Variants in GLRA3 observed in about 807,000 individuals in gnomAD.
GLRA3 encodes the protein glycine receptor subunit alpha-3.
A neutral mutation model predicts 60.4 loss-of-function variants in GLRA3; 44 were observed. The observed-to-expected ratio is 0.73, with a 90% CI of 0.57 to 0.94. The LOEUF is 0.94. Ranked by LOEUF, GLRA3 falls within the 40% of genes least tolerant of loss-of-function variation. The pLI, the probability that GLRA3 is intolerant of heterozygous loss-of-function variation, is 0.00. For synonymous variants in GLRA3, 223 were observed against 192.9 expected (o/e 1.16, Z -1.29); for missense variants, 508 against 564.6 (o/e 0.90, Z 1.02).
intron 2 of GLRA3, among the ~76,000 whole-genome samples, chr4:174,781,057 C>G (rs373468768): frequency 2.0e-5 from 3 of 152,044 alleles, no homozygotes; most frequent in Admixed American, 6.6e-5. Context: ...TGACCACATA[C>G]TTGGAAGTAA....
intron 1 of GLRA3, among the ~76,000 whole-genome samples, chr4:174,807,157 T>A (rs559331671): frequency 1.3e-5 from 2 of 152,058 alleles, no homozygotes; most frequent in African/African-American, 4.8e-5. Context: ...GAACAACTAC[T>A]TCAAACTTAC....
intron 3 of GLRA3, among the ~76,000 whole-genome samples, chr4:174,761,014 A>G (rs1311931530): frequency 6.6e-6 from 1 of 152,188 alleles, no homozygotes; most frequent in East Asian, 1.9e-4. Flanking sequence ...TTTCATACAT[A>G]CAGAATGAAC....
At chr4:174,804,352 C>T (rs1340200504) in intron 1 of GLRA3, among the ~76,000 whole-genome samples, 1 of 152,120 alleles carries the variant, frequency 6.6e-6, no homozygotes, top group Non-Finnish European at 1.5e-5. Flanking sequence ...CTGGAGAGCA[C>T]TACAAGTACC....
chr4:174,669,321 T>A (rs78804775), intron 7 of GLRA3, among the ~76,000 whole-genome samples: 1,782 of 151,996 alleles, frequency 0.012, 11 homozygotes, highest in South Asian at 0.027. Flanking sequence ...AAGACAGGTG[T>A]TGAAGTGGAA....
intron 6 of GLRA3, among the ~76,000 whole-genome samples, chr4:174,681,952 G>T (rs548430561): frequency 1.1e-4 from 16 of 152,306 alleles, no homozygotes; most frequent in African/African-American, 3.1e-4. Context: ...CCGATATTGT[G>T]AATTTGCTAA....
At chr4:174,732,350 A>G (rs1579521063) in intron 3 of GLRA3, among the ~76,000 whole-genome samples, 1 of 150,722 alleles carries the variant, frequency 6.6e-6, no homozygotes, top group African/African-American at 2.4e-5. Context: ...CGAGACTCCG[A>G]CTCAAAAATT....
intron 3 of GLRA3, among the ~76,000 whole-genome samples, chr4:174,746,338 C>T (rs1362036759): frequency 6.6e-6 from 1 of 152,066 alleles, no homozygotes; most frequent in African/African-American, 2.4e-5. Flanking sequence ...TAATTTCATT[C>T]TCAGCAACAT....
At chr4:174,806,831 C>T (rs1740071992) in intron 1 of GLRA3, among the ~76,000 whole-genome samples, 1 of 151,888 alleles carries the variant, frequency 6.6e-6, no homozygotes, top group Non-Finnish European at 1.5e-5. Context: ...CACCCATATA[C>T]ATACAAAACA....
At chr4:174,823,385 C>T (rs950826627) in intron 1 of GLRA3, among the ~76,000 whole-genome samples, 7 of 152,006 alleles carry the variant, frequency 4.6e-5, no homozygotes, top group Admixed American at 6.6e-5. Flanking sequence ...TTTAGCTGGG[C>T]GTGGTGGCAT....
At chr4:174,766,765 CTTATAT>C (rs1374030114) in intron 3 of GLRA3, among the ~76,000 whole-genome samples, 192 bp downstream of exon 3, 1 of 151,810 alleles carries the variant, frequency 6.6e-6, no homozygotes, top group African/African-American at 2.4e-5. Context: ...GTTGTTTTCA[CTTATAT>C]TTATATACTC....
intron 1 of GLRA3, among the ~76,000 whole-genome samples, chr4:174,823,266 T>C (rs138676457): frequency 1.3e-5 from 2 of 152,116 alleles, no homozygotes; most frequent in South Asian, 2.1e-4. Context: ...TATTTCCACA[T>C]ATACATGTAC....
At chr4:174,721,825 A>G (rs78989246) in intron 4 of GLRA3, among the ~76,000 whole-genome samples, 2,080 of 105,774 alleles carry the variant, frequency 0.02, 42 homozygotes, top group African/African-American at 0.064. Context: ...ATGTGTGTGT[A>G]TATATATGTG....
chr4:174,736,676 C>G (rs1321917712), intron 3 of GLRA3, among the ~76,000 whole-genome samples: 1 of 151,932 alleles, frequency 6.6e-6, no homozygotes, highest in Non-Finnish European at 1.5e-5. Context: ...TGTGAAGGGC[C>G]TTTTTGAGAG....
At chr4:174,683,071 CTAT>C in intron 5 of GLRA3, 132 bp from the exon 6 acceptor site, 1 of 656,242 alleles carries the variant, frequency 1.5e-6, no homozygotes, top group Non-Finnish European at 2.6e-6. Flanking sequence ...GTGGATGGAG[CTAT>C]TCATTGCCCA....
intron 3 of GLRA3, among the ~76,000 whole-genome samples, chr4:174,765,461 A>G (rs1401213060): frequency 6.6e-6 from 1 of 152,084 alleles, no homozygotes. Context: ...AGAAAAATAT[A>G]GAGAAGTATA....
chr4:174,689,756 TAAAAAAA>T (rs553306775), intron 5 of GLRA3, among the ~76,000 whole-genome samples: 500 of 39,508 alleles, frequency 0.013, 1 homozygote, highest in African/African-American at 0.023. Flanking sequence ...TAAGTCGCAT[TAAAAAAA>T]AAAAAAAAAA....
intron 5 of GLRA3, among the ~76,000 whole-genome samples, chr4:174,709,539 C>T (rs73867685): frequency 0.036 from 5,413 of 152,010 alleles, 297 homozygotes; most frequent in African/African-American, 0.12. Flanking sequence ...GAAAGCAACA[C>T]GTTTTCTTCA....
intron 1 of GLRA3, among the ~76,000 whole-genome samples, chr4:174,813,245 A>G (rs947284366): frequency 6.6e-6 from 1 of 152,216 alleles, no homozygotes; most frequent in Non-Finnish European, 1.5e-5. Flanking sequence ...GAGTGATGAG[A>G]TGATTATTTT....
At chr4:174,719,278 T>C (rs1253491319) in intron 4 of GLRA3, among the ~76,000 whole-genome samples, 2 of 152,134 alleles carry the variant, frequency 1.3e-5, no homozygotes, top group Non-Finnish European at 2.9e-5. Flanking sequence ...CTTTTAACCT[T>C]TAAGTATACT....
Sources: allele counts gnomAD v4.1 joint callset (sites outside exome capture counted in the v4.1 genomes callset), GRCh38; gene constraint gnomAD v4.1.1; transcripts MANE v1.5; gene names NCBI Gene and HGNC (gene_info 2026-07-23, HGNC 2026-07-21).